Variants in IHO1 observed in about 807,000 individuals in gnomAD.
The protein encoded by IHO1 is interactor of HORMAD1 protein 1.
In IHO1, 13 loss-of-function variants were observed where a neutral mutation model predicts 31.0. That is an observed-to-expected ratio of 0.42 (90% CI 0.27 to 0.67). The LOEUF (loss-of-function observed/expected upper bound fraction) is 0.67, where lower values mean the gene tolerates loss of function less well. Among genes scored for constraint, IHO1 ranks in the 30% least tolerant of loss-of-function variants. The pLI is 0.24. For missense variants in IHO1, 599 were observed against 687.5 expected (o/e 0.87, Z 1.44); for synonymous variants, 221 against 248.4 (o/e 0.89, Z 1.04).
rs1318478080 is a variant in IHO1, at chr3:49,256,021, A to C, written c.637-113A>C. 1.1e-6 allele frequency: 1 copy of C among 926,920 alleles called. No individual in the cohort carries two copies. The highest frequency in any genetic ancestry group is 1.6e-6 in the Non-Finnish European group (1 of 608,044). 57.4% of individuals were successfully genotyped at this position (926,920 alleles called of 1,614,324 possible). ...TTGTGCTTACCCTGAGAGGTTCCCT[A>C]CAAGGAGCAAGCCTTGGTTCTGCTG... On this transcript the variant is annotated intron_variant, in intron 7 of 7. Transcript: ENST00000452691. The surrounding 1 kb of genome is among the most constrained non-coding windows in gnomAD (Gnocchi z 4.6).
intron 1 of IHO1, chr3:49,200,658 A>G (rs572977743): frequency 2.8e-6 from 2 of 705,244 alleles, no homozygotes; most frequent in East Asian, 2.7e-4. Context: ...ATATAGTTCC[A>G]TTCCTTGCAT....
intron 2 of IHO1, among the ~76,000 whole-genome samples, chr3:49,226,637 C>T (rs2046422409): frequency 6.6e-6 from 1 of 152,188 alleles, no homozygotes; most frequent in African/African-American, 2.4e-5. Flanking sequence ...CTTCAGCTGT[C>T]ATTCTGTCAT....
At chr3:49,252,766 C>T (rs527325591) in intron 6 of IHO1, among the ~76,000 whole-genome samples, 2 of 151,802 alleles carry the variant, frequency 1.3e-5, no homozygotes, top group South Asian at 2.1e-4. Context: ...AGAATTCGGC[C>T]GGGCATGGTG....
At chr3:49,198,733 A>C (rs191881633), upstream of IHO1, 1 of 152,314 alleles carries the variant, frequency 6.6e-6, no homozygotes, top group African/African-American at 2.4e-5. Flanking sequence ...GCTGGTCTCA[A>C]GCATGTTTTT....
At chr3:49,225,880 G>A (rs1198633852) in intron 2 of IHO1, among the ~76,000 whole-genome samples, 2 of 152,138 alleles carry the variant, frequency 1.3e-5, no homozygotes, top group African/African-American at 4.8e-5. Context: ...ACATACCCAG[G>A]GCTCAGTGAG....
chr3:49,211,623 C>CA (rs796140342), intron 1 of IHO1, 143 bp from the exon 2 acceptor site: 37,734 of 273,606 alleles, frequency 0.14, no homozygotes, highest in South Asian at 0.21. Context: ...AACTCCGTCT[C>CA]AAAAAAAAAA....
chr3:49,197,818 G>A (rs374152131), upstream of IHO1, among the ~76,000 whole-genome samples: 14 of 151,788 alleles, frequency 9.2e-5, no homozygotes, highest in East Asian at 3.9e-4. Context: ...AGGTTGTGGT[G>A]AGCCGAGATT....
At position 49,256,520 on chromosome 3, in the gene IHO1, C is replaced by G; in HGVS notation, c.1023C>G (p.Ser341=). ...AGGCTGCACTGCCAGCATTTGGGTC[C>G]CATGAAAGAAATAGGCATGTAAAGG... ...QEEAALPAFG[S]HERNRHVKDK... The change falls in exon 8 of 8, where the codon TCC becomes TCG. Residue 341 remains serine (S), a synonymous_variant. Transcript: ENST00000452691. This position sits in a 1 kb window ranked among gnomAD's most constrained non-coding sequence, Gnocchi z 4.6. 1 of 1,614,052 alleles carries G rather than the reference C, an allele frequency of 6.2e-7. No individual in the cohort carries two copies. The highest frequency in any genetic ancestry group is 8.5e-7 in the Non-Finnish European group (1 of 1,180,006).
intron 6 of IHO1, among the ~76,000 whole-genome samples, chr3:49,248,314 C>T (rs1308344994): frequency 6.6e-6 from 1 of 150,644 alleles, no homozygotes; most frequent in African/African-American, 2.4e-5. Context: ...CCCAGCTACT[C>T]AGGAGGCTGA....
chr3:49,220,186 T>C (rs751613170), intron 2 of IHO1, among the ~76,000 whole-genome samples: 2 of 152,194 alleles, frequency 1.3e-5, no homozygotes, highest in Non-Finnish European at 2.9e-5. Flanking sequence ...CAGGGAAATA[T>C]TATAGCTACA....
chr3:49,211,193 A>G lies in IHO1; in HGVS notation c.-15-573A>G, dbSNP rs1029050989. Among the ~76,000 whole-genome samples, 73 of 148,390 alleles carry G rather than the reference A, an allele frequency of 4.9e-4. 1 individual carries two copies. The highest frequency in any genetic ancestry group is 2.2e-4 in the Non-Finnish European group (15 of 66,704). On this transcript the variant is annotated intron_variant, in intron 1 of 7. Coordinates refer to ENST00000452691, the MANE Select transcript of IHO1 (RefSeq NM_001135197.2). ...TGGCTAATTTTTTGTATTTTTTAGT[A>G]GAGACGGGGTTTCACCCTGTTAGCC...
At chr3:49,248,074 G>A (rs553965750) in intron 6 of IHO1, among the ~76,000 whole-genome samples, 4 of 144,730 alleles carry the variant, frequency 2.8e-5, no homozygotes, top group East Asian at 2.1e-4. Flanking sequence ...GTAGTGAGCC[G>A]AGATGGCGCC....
At chr3:49,200,499 G>GA (rs368165939) in intron 1 of IHO1, 1 of 730,514 alleles carries the variant, frequency 1.4e-6, no homozygotes, top group African/African-American at 2.0e-5. Context: ...AAGAAAGAAA[G>GA]AAAGAAAGAA....
chr3:49,200,586 G>C (rs139817955), intron 1 of IHO1: 1 of 984,692 alleles, frequency 1.0e-6, no homozygotes, highest in South Asian at 4.7e-5. Flanking sequence ...CAATCGGGGC[G>C]GTCCTCTCCC....
At chr3:49,207,710 T>G (rs1219155226) in intron 1 of IHO1, among the ~76,000 whole-genome samples, 1 of 152,170 alleles carries the variant, frequency 6.6e-6, no homozygotes, top group East Asian at 1.9e-4. Flanking sequence ...GTTTAAAAAT[T>G]TCTAGCCTTT....
intron 1 of IHO1, among the ~76,000 whole-genome samples, chr3:49,200,095 G>A (rs1051840925): frequency 6.6e-6 from 1 of 152,304 alleles, no homozygotes; most frequent in East Asian, 1.9e-4. Flanking sequence ...TGAAGTCTGA[G>A]TAAGAGACCT....
At chr3:49,194,259 A>T (rs1432477790), upstream of IHO1, among the ~76,000 whole-genome samples, 16 of 98,012 alleles carry the variant, frequency 1.6e-4, 1 homozygote, top group Admixed American at 2.0e-3. Flanking sequence ...TGAGAGGGAA[A>T]CTCTATCTCA....
intron 1 of IHO1, chr3:49,200,657 C>A: frequency 5.7e-6 from 4 of 702,950 alleles, no homozygotes; most frequent in Non-Finnish European, 5.2e-6. Context: ...TATATAGTTC[C>A]ATTCCTTGCA....
chr3:49,193,588 C>T (rs1238382391), upstream of IHO1, among the ~76,000 whole-genome samples: 1 of 126,080 alleles, frequency 7.9e-6, no homozygotes, highest in Non-Finnish European at 1.6e-5. Flanking sequence ...AGCTACGCTA[C>T]TTGGGAGGCC....
Sources: gnomAD v4.1 joint callset for allele counts (sites outside exome capture counted in the v4.1 genomes callset) on GRCh38, gnomAD v4.1.1 for gene constraint, Gnocchi (gnomAD v3.1) non-coding constraint, MANE v1.5 for transcripts, NCBI Gene and HGNC (gene_info 2026-07-23, HGNC 2026-07-21) for gene names.